PRKN: variants seen among roughly 807,000 people sequenced by gnomAD.
PRKN encodes E3 ubiquitin-protein ligase parkin.
In PRKN, 56 loss-of-function variants were observed where a neutral mutation model predicts 59.5. The observed-to-expected ratio is 0.94, with a 90% confidence interval of 0.76 to 1.18. The LOEUF (loss-of-function observed/expected upper bound fraction) is 1.18, where lower values mean the gene tolerates loss of function less well. PRKN is among the 50% of genes most tolerant of loss of function. PRKN has a pLI of 0.00. For synonymous variants in PRKN, 250 were observed against 222.1 expected (o/e 1.13, Z -1.12); for missense variants, 657 against 596.4 (o/e 1.10, Z -1.06).
In PRKN at chr6:162,410,249, T is replaced by G. The variant is rs570648753; in HGVS notation, c.171+33061A>C. Among the ~76,000 whole-genome samples the G allele has an allele frequency of 4.9e-4, 75 of 152,192 alleles. 1 individual carries two copies. The highest frequency in any genetic ancestry group is 1.7e-3 in the African/African-American group (69 of 41,528). On this transcript the variant is annotated intron_variant, in intron 2 of 11. Coordinates refer to ENST00000366898, the MANE Select transcript of PRKN (RefSeq NM_004562.3). ...AGATCAATTGGTTTGAGGACTGCTC[T>G]GGCCCCCAGGAAGTATTCTTTGCCC... is the stretch of plus-strand genomic sequence containing the variant.
chr6:162,146,542 T>A (rs1024704665), intron 4 of PRKN, among the ~76,000 whole-genome samples: 1 of 151,762 alleles, frequency 6.6e-6, no homozygotes, highest in Non-Finnish European at 1.5e-5. Flanking sequence ...TCTTGCTCAG[T>A]CACGCAAGCA....
At chr6:161,646,067 A>G (rs1275122094) in intron 7 of PRKN, among the ~76,000 whole-genome samples, 10 of 97,842 alleles carry the variant, frequency 1.0e-4, no homozygotes, top group African/African-American at 3.4e-4. Context: ...CGTATCAGTG[A>G]CAGTGGTGAC....
In PRKN at chr6:161,538,240, C is replaced by T. The variant is rs1779496998; in HGVS notation, c.1083+10614G>A. Among the ~76,000 whole-genome samples, 1 of 152,312 alleles carries T rather than the reference C, an allele frequency of 6.6e-6. No homozygotes were observed. Among genetic ancestry groups the T allele is most frequent in the Admixed American group, 6.5e-5 (1 of 15,296 alleles). On this transcript the variant is annotated intron_variant, in intron 9 of 11. Transcript: ENST00000366898. This position sits in a 1 kb window ranked among gnomAD's most constrained non-coding sequence, Gnocchi z 4.2. ...GTTCCTTCTCACTTGTACACTTCTT[C>T]TGATCCTGGTTCAAGAATGGGCAAA...
At chr6:162,435,516 T>G (rs940903809) in intron 2 of PRKN, among the ~76,000 whole-genome samples, 13 of 152,194 alleles carry the variant, frequency 8.5e-5, no homozygotes, top group Admixed American at 1.3e-4. Context: ...TTCTGACATG[T>G]AGAGGCAACC....
Position 161,544,081 on chromosome 6 carries a change from T to C in PRKN, c.1083+4773A>G, listed in dbSNP as rs1462213746. On this transcript the variant is annotated intron_variant, in intron 9 of 11. Transcript: ENST00000366898. This position sits in a 1 kb window ranked among gnomAD's most constrained non-coding sequence, Gnocchi z 5.5. ...GACTAGTATTTGGTACCAAAATACA[T>C]TCTCTGCTGCGTTCTATCTATGTAA... Among the ~76,000 whole-genome samples the C allele has an allele frequency of 6.6e-6, 1 of 152,216 alleles. No individual in the cohort carries two copies. Among genetic ancestry groups the C allele is most frequent in the Non-Finnish European group, 1.5e-5 (1 of 68,030 alleles).
At position 161,463,072 on chromosome 6, in the gene PRKN, T is replaced by C. The variant is rs145300660; in HGVS notation, c.1084-76195A>G. 5.3e-3 allele frequency among the ~76,000 whole-genome samples: 811 copies of C among 152,144 alleles called. 1 individual carries two copies. Among genetic ancestry groups the C allele is most frequent in the African/African-American group, 0.018 (758 of 41,512 alleles). On this transcript the variant is annotated intron_variant, in intron 9 of 11. Transcript: ENST00000366898. This position sits in a 1 kb window ranked among gnomAD's most constrained non-coding sequence, Gnocchi z 4.8. ...ACTAAATAGAGAAAAAACTACCTAA[T>C]GAGAATTATGGGTGACTGAGCACCA...
chr6:161,947,473 A>G (rs1460571474), intron 6 of PRKN, among the ~76,000 whole-genome samples: 1 of 152,140 alleles, frequency 6.6e-6, no homozygotes, highest in Non-Finnish European at 1.5e-5. Flanking sequence ...GTGTTCTGTC[A>G]TCTTTTACAG....
intron 1 of PRKN, among the ~76,000 whole-genome samples, chr6:162,503,846 TGAA>T (rs1435713290): frequency 1.3e-5 from 2 of 152,270 alleles, no homozygotes; most frequent in South Asian, 2.1e-4. Flanking sequence ...ATGGGGCAAG[TGAA>T]GAAGGACAAG....
At chr6:161,427,220 A>G (rs778630662) in intron 9 of PRKN, among the ~76,000 whole-genome samples, 8 of 152,164 alleles carry the variant, frequency 5.3e-5, no homozygotes, top group Non-Finnish European at 8.8e-5. Flanking sequence ...GGATTTTGCC[A>G]TGTTGCTCAG....
At chr6:162,628,245 A>C (rs571132988) in intron 1 of PRKN, among the ~76,000 whole-genome samples, 2 of 152,264 alleles carry the variant, frequency 1.3e-5, no homozygotes, top group African/African-American at 4.8e-5. Context: ...GTAGAGTTGA[A>C]AATTAAGGTA....
intron 7 of PRKN, among the ~76,000 whole-genome samples, chr6:161,781,613 G>A (rs115662666): frequency 0.017 from 2,637 of 152,164 alleles, 70 homozygotes; most frequent in African/African-American, 0.06. Context: ...AAGAACCACC[G>A]AAATTAAAGT....
chr6:161,700,081 C>G (rs1034697730), intron 7 of PRKN, among the ~76,000 whole-genome samples: 1 of 152,016 alleles, frequency 6.6e-6, no homozygotes, highest in Non-Finnish European at 1.5e-5. Context: ...CACTGCACTA[C>G]TAGATGCCAT....
intron 3 of PRKN, among the ~76,000 whole-genome samples, chr6:162,226,020 G>C (rs1401438797): frequency 6.8e-6 from 1 of 147,296 alleles, no homozygotes; most frequent in Non-Finnish European, 1.5e-5. Flanking sequence ...TGATCCCCCA[G>C]GGGAATCTAT....
rs911972684 is a variant in PRKN at position 161,460,816 on chromosome 6, C to T, written c.1084-73939G>A. 5.3e-5 allele frequency among the ~76,000 whole-genome samples: 8 copies of T among 151,258 alleles called. No homozygotes were observed. Among genetic ancestry groups the T allele is most frequent in the African/African-American group, 1.9e-4 (8 of 41,136 alleles). ...CCAGGCTGGAGTGCAGTGTCACAAT[C>T]TCGGCCCACTGCAATCTCAGACTCC... On this transcript the variant is annotated intron_variant, in intron 9 of 11. Transcript: ENST00000366898. This position sits in a 1 kb window ranked among gnomAD's most constrained non-coding sequence, Gnocchi z 5.0.
intron 1 of PRKN, among the ~76,000 whole-genome samples, chr6:162,677,970 T>A (rs1779617633): frequency 6.6e-6 from 1 of 152,076 alleles, no homozygotes; most frequent in African/African-American, 2.4e-5. Flanking sequence ...CTTCTGCCTC[T>A]CCCTGACATC....
rs991080848 is a variant in PRKN, at chr6:161,409,008, C to T, written c.1084-22131G>A. ...TTGCCCAGGCTGGAGTGCAGTGGTG[C>T]AATCTCAGCTCACTGCAACCTCTGC... On this transcript the variant is annotated intron_variant, in intron 9 of 11. Coordinates refer to ENST00000366898, the MANE Select transcript of PRKN (RefSeq NM_004562.3). This position sits in a 1 kb window ranked among gnomAD's most constrained non-coding sequence, Gnocchi z 4.6. Among the ~76,000 whole-genome samples the T allele has an allele frequency of 6.6e-6, 1 of 152,190 alleles. No homozygotes were observed. Among genetic ancestry groups the T allele is most frequent in the Non-Finnish European group, 1.5e-5 (1 of 68,008 alleles).
chr6:162,262,884 A>G (rs1779956753), intron 2 of PRKN, 119 bp from the exon 3 acceptor site: 1 of 1,313,490 alleles, frequency 7.6e-7, no homozygotes, highest in Non-Finnish European at 1.1e-6. Flanking sequence ...CATGTAACTG[A>G]CCAACTTAGG....
chr6:162,320,864 A>G (rs1402255146), intron 2 of PRKN, among the ~76,000 whole-genome samples: 7 of 151,906 alleles, frequency 4.6e-5, no homozygotes, highest in Non-Finnish European at 1.5e-5. Context: ...AAGACATAAC[A>G]TAACAAAATT....
chr6:161,614,499 A>G (rs1208667518), intron 7 of PRKN, among the ~76,000 whole-genome samples: 1 of 152,242 alleles, frequency 6.6e-6, no homozygotes, highest in Admixed American at 6.5e-5. Flanking sequence ...AATGTATGCC[A>G]TCAGAAGGCT....
Sources: allele counts gnomAD v4.1 joint callset (sites outside exome capture counted in the v4.1 genomes callset), GRCh38; gene constraint gnomAD v4.1.1; non-coding constraint Gnocchi (gnomAD v3.1); transcripts MANE v1.5; gene names NCBI Gene and HGNC (gene_info 2026-07-23, HGNC 2026-07-21).